Variants in FBXW2 observed in about 807,000 individuals in gnomAD.
The protein encoded by FBXW2 is F-box and WD repeat domain containing 2.
In FBXW2, 12 loss-of-function variants were observed where a neutral mutation model predicts 46.0. The observed-to-expected ratio is 0.26, with a 90% CI of 0.17 to 0.42. The LOEUF is 0.42. Ranked by LOEUF, FBXW2 falls within the 10% of genes least tolerant of loss-of-function variation. The pLI, the probability that FBXW2 is intolerant of heterozygous loss-of-function variation, is 1.00. For synonymous variants in FBXW2, 203 were observed against 209.6 expected, an observed-to-expected ratio of 0.97 and a Z score of 0.27; for missense variants, 360 against 537.0, an observed-to-expected ratio of 0.67 and a Z score of 3.26.
At chr9:120,787,188 C>A (rs1395785724) in intron 3 of FBXW2, among the ~76,000 whole-genome samples, 2 of 152,206 alleles carry the variant, frequency 1.3e-5, no homozygotes, top group African/African-American at 4.8e-5. Context: ...GCCGCCACGC[C>A]CGGCTACTTT....
At chr9:120,766,245 A>G (rs137888902) in intron 7 of FBXW2, among the ~76,000 whole-genome samples, 6 of 152,302 alleles carry the variant, frequency 3.9e-5, no homozygotes, top group African/African-American at 1.4e-4. Context: ...GGCATAGGGT[A>G]ACTGTATATG....
In FBXW2 at chr9:120,758,306, G is replaced by A. The variant is rs779637832; in HGVS notation, c.*6253C>T. On this transcript the variant is annotated 3_prime_UTR_variant, in exon 8 of 8. Coordinates refer to ENST00000608872, the MANE Select transcript of FBXW2 (RefSeq NM_012164.4). ...AACATCAAGAACTTTCCACGAGGATGGGAGATTAACACCCAAAGCGCAAGG... is the reference window on the plus strand; with the variant it reads ...AACATCAAGAACTTTCCACGAGGATAGGAGATTAACACCCAAAGCGCAAGG... 4 of 152,134 alleles carry A rather than the reference G, an allele frequency of 2.6e-5. No individual in the cohort carries two copies. The highest frequency in any genetic ancestry group is 7.2e-5 in the African/African-American group (3 of 41,424). The allele number at this position is 152,134 out of a possible 1,614,324, so 9.4% of individuals were successfully genotyped here.
chr9:120,776,458 T>C (rs2044498612), intron 4 of FBXW2: 1 of 482,990 alleles, frequency 2.1e-6, no homozygotes, highest in East Asian at 4.0e-5. Context: ...CTTTTATTTG[T>C]GGTAGCTACA....
chr9:120,780,283 G>A (rs748750831), intron 3 of FBXW2, among the ~76,000 whole-genome samples: 2 of 151,634 alleles, frequency 1.3e-5, no homozygotes, highest in African/African-American at 4.8e-5. Flanking sequence ...ACTTGAACCC[G>A]GGAGGAGGTT....
At chr9:120,765,355 A>C (rs951013969) in intron 7 of FBXW2, among the ~76,000 whole-genome samples, 4 of 152,228 alleles carry the variant, frequency 2.6e-5, no homozygotes, top group Non-Finnish European at 5.9e-5. Context: ...TCGGCCTCCC[A>C]AAGTGCTGGG....
intron 2 of FBXW2, among the ~76,000 whole-genome samples, chr9:120,792,066 G>A (rs1195746802): frequency 6.6e-6 from 1 of 152,146 alleles, no homozygotes; most frequent in Non-Finnish European, 1.5e-5. Flanking sequence ...TAACCTCATG[G>A]AAGGTATCAG....
At chr9:120,774,541 T>C (rs1447918952) in intron 5 of FBXW2, among the ~76,000 whole-genome samples, 2 of 152,182 alleles carry the variant, frequency 1.3e-5, no homozygotes, top group Admixed American at 6.5e-5. Flanking sequence ...GATTCTTCTT[T>C]GTTTCCCACA....
chr9:120,784,632 A>C (rs911649925), intron 3 of FBXW2, among the ~76,000 whole-genome samples: 3 of 151,778 alleles, frequency 2.0e-5, no homozygotes, highest in Admixed American at 2.0e-4. Context: ...GAAAAAAAAA[A>C]AATGCGGCTG....
intron 3 of FBXW2, among the ~76,000 whole-genome samples, chr9:120,783,788 G>T (rs903432125): frequency 1.3e-5 from 2 of 152,164 alleles, no homozygotes; most frequent in Non-Finnish European, 2.9e-5. Flanking sequence ...AAGCATAATA[G>T]ATTCCTTTCT....
chr9:120,765,939 A>G (rs1285196996), intron 7 of FBXW2, among the ~76,000 whole-genome samples: 2 of 152,126 alleles, frequency 1.3e-5, no homozygotes, highest in Non-Finnish European at 2.9e-5. Flanking sequence ...ACAAAGGAAA[A>G]CAAAAAACAA....
chr9:120,764,490 C>G lies in FBXW2; in HGVS notation c.*69G>C, dbSNP rs2044239784. 2 of 1,524,752 alleles carry G rather than the reference C, an allele frequency of 1.3e-6. No individual in the cohort carries two copies. The highest frequency in any genetic ancestry group is 1.8e-6 in the Non-Finnish European group (2 of 1,117,890). 94.5% of individuals were successfully genotyped at this position (1,524,752 alleles called of 1,614,324 possible). A position where few individuals can be genotyped will look rare whatever the true frequency, so the allele number is the denominator to read the frequency against. ...GAACTTTGGTTCATGCAGTCGGCTG[C>G]CGCAGAGGTTGCACCCAAAACCCGC... is the stretch of plus-strand genomic sequence containing the variant. On this transcript the variant is annotated 3_prime_UTR_variant, in exon 8 of 8. Coordinates refer to ENST00000608872, the MANE Select transcript of FBXW2 (RefSeq NM_012164.4).
rs1282296724 is a variant in FBXW2 at position 120,760,171 on chromosome 9, A to AAG, written c.*4386_*4387dup. The AAG allele has an allele frequency of 6.6e-6, 1 of 151,674 alleles. No individual in the cohort carries two copies. Among genetic ancestry groups the AAG allele is most frequent in the East Asian group, 1.9e-4 (1 of 5,202 alleles). 9.4% of individuals were successfully genotyped at this position (151,674 alleles called of 1,614,324 possible). ...GGGCTGTGTCAAGAAGACGGACCTAAAGGGCTTCTCCCCTATCCTGACAAC... is the reference window on the plus strand; with the variant it reads ...GGGCTGTGTCAAGAAGACGGACCTAAAGAGGGCTTCTCCCCTATCCTGACAAC... On this transcript the variant is annotated 3_prime_UTR_variant, in exon 8 of 8. Transcript: ENST00000608872.
Position 120,762,207 on chromosome 9 carries a change from G to A in FBXW2, c.*2352C>T, listed in dbSNP as rs2044206255. 1.3e-5 allele frequency: 2 copies of A among 152,330 alleles called. No homozygotes were observed. Among genetic ancestry groups the A allele is most frequent in the South Asian group, 4.1e-4 (2 of 4,824 alleles). The allele number at this position is 152,330 out of a possible 1,614,324, so 9.4% of individuals were successfully genotyped here. On this transcript the variant is annotated 3_prime_UTR_variant, in exon 8 of 8. Transcript: ENST00000608872. ...ATATAAAAATTAGTTGGGTGTCATG[G>A]CAGATGCTTGTAATCCCAGCTACTT...
At chr9:120,787,643 G>GA in intron 3 of FBXW2, 126 bp downstream of exon 3, 2 of 989,712 alleles carry the variant, frequency 2.0e-6, no homozygotes, top group Non-Finnish European at 2.9e-6. Context: ...CAGGATTAGA[G>GA]AAAAAAAGTC....
At chr9:120,765,463 T>G (rs2044259547) in intron 7 of FBXW2, among the ~76,000 whole-genome samples, 1 of 152,180 alleles carries the variant, frequency 6.6e-6, no homozygotes, top group African/African-American at 2.4e-5. Flanking sequence ...AACATTTAAC[T>G]AAACAATCTA....
Position 120,776,238 on chromosome 9 carries a change from A to C in FBXW2, c.686-12T>G, listed in dbSNP as rs1389727824. 1.2e-6 allele frequency: 2 copies of C among 1,611,552 alleles called. No homozygotes were observed. Among genetic ancestry groups the C allele is most frequent in the Non-Finnish European group, 1.7e-6 (2 of 1,179,122 alleles). ...GTCCACGCTAAATACTAGTGCATAT[A>C]ATTACACAAAGTTAAAACATGTCTC... On this transcript the variant is annotated splice_polypyrimidine_tract_variant and intron_variant, in intron 4 of 7. Coordinates refer to ENST00000608872, the MANE Select transcript of FBXW2 (RefSeq NM_012164.4).
chr9:120,775,891 T>C (rs1189241121), intron 5 of FBXW2, among the ~76,000 whole-genome samples: 2 of 152,216 alleles, frequency 1.3e-5, no homozygotes, highest in Non-Finnish European at 2.9e-5. Context: ...TGGGCAACTT[T>C]CCATGTCCAT....
intron 6 of FBXW2, 138 bp from the exon 7 acceptor site, chr9:120,771,655 C>A: frequency 1.5e-6 from 1 of 685,412 alleles, no homozygotes; most frequent in Non-Finnish European, 2.4e-6. Flanking sequence ...AGCCAAGAAT[C>A]ACAGGTTCAA....
At chr9:120,784,478 G>C (rs915931604) in intron 3 of FBXW2, among the ~76,000 whole-genome samples, 5 of 151,838 alleles carry the variant, frequency 3.3e-5, no homozygotes, top group African/African-American at 1.2e-4. Context: ...CAGGCATAGG[G>C]TTGCTCGCTT....
Sources: allele counts gnomAD v4.1 joint callset (sites outside exome capture counted in the v4.1 genomes callset), GRCh38; gene constraint gnomAD v4.1.1; transcripts MANE v1.5; gene names NCBI Gene and HGNC (gene_info 2026-07-23, HGNC 2026-07-21).